MED17: variants seen among roughly 807,000 people sequenced by gnomAD.
The protein encoded by MED17 is mediator of RNA polymerase II transcription subunit 17.
In MED17, 49 loss-of-function variants were observed where a neutral mutation model predicts 80.8. The observed-to-expected ratio is 0.61, with a 90% confidence interval of 0.48 to 0.77. MED17 has a LOEUF of 0.77. MED17 is among the 30% of genes least tolerant of loss of function. The probability of loss-of-function intolerance (pLI) is 0.00; values close to 1 mark genes in which losing one functional copy is unlikely to be tolerated. For missense variants in MED17, 718 were observed against 787.0 expected, an observed-to-expected ratio of 0.91 and a Z score of 1.05; for synonymous variants, 281 against 280.4, an observed-to-expected ratio of 1.00 and a Z score of -0.02.
At chr11:93,792,208 G>C (rs1285004182) in intron 3 of MED17, among the ~76,000 whole-genome samples, 1 of 152,122 alleles carries the variant, frequency 6.6e-6, no homozygotes, top group African/African-American at 2.4e-5. Flanking sequence ...AGATTCATTT[G>C]CCAGAGTAAG....
intron 3 of MED17, among the ~76,000 whole-genome samples, chr11:93,791,394 C>G (rs1943834884): frequency 6.6e-6 from 1 of 152,090 alleles, no homozygotes; most frequent in African/African-American, 2.4e-5. Context: ...CAATCAAGGC[C>G]TTACCTGTAA....
Position 93,795,393 on chromosome 11 carries a change from C to CTGTCTAAA in MED17, c.1012+334_1012+335insGTCTAAAT, listed in dbSNP as rs1246347680. 5 of 337,516 alleles carry CTGTCTAAA rather than the reference C, an allele frequency of 1.5e-5. No homozygotes were observed. The East Asian group carries it at 3.7e-4, about 25-fold the overall frequency. The allele number at this position is 337,516 out of a possible 1,614,324, so 20.9% of individuals were successfully genotyped here. ...AGGGAGATTTTTTCAGGGATCCTGC[C>CTGTCTAAA]TTATTATCTAAATGAGAGGCCAATT... On this transcript the variant is annotated intron_variant, in intron 6 of 11. Coordinates refer to ENST00000251871, the MANE Select transcript of MED17 (RefSeq NM_004268.5).
chr11:93,805,404 GAAACCCTGTCCCTACTAA>G (rs1317836070), intron 9 of MED17, among the ~76,000 whole-genome samples: 1 of 152,130 alleles, frequency 6.6e-6, no homozygotes, highest in Non-Finnish European at 1.5e-5. Flanking sequence ...CCAACATGAT[GAAACCCTGTCCCTACTAA>G]AAACAAAAAT....
chr11:93,786,841 C>T (rs1033444025), intron 1 of MED17, among the ~76,000 whole-genome samples: 1 of 152,104 alleles, frequency 6.6e-6, no homozygotes, highest in African/African-American at 2.4e-5. Context: ...GAAAAAGTTG[C>T]ACATATACAG....
At chr11:93,795,239 CTAAA>C (rs1943887452) in intron 6 of MED17, 179 bp downstream of exon 6, 11 of 732,736 alleles carry the variant, frequency 1.5e-5, no homozygotes, top group Non-Finnish European at 2.3e-5. Context: ...CTGTTCTGTC[CTAAA>C]TAGTGTGACC....
Position 93,793,739 on chromosome 11 carries a change from C to T in MED17, c.649C>T (p.Pro217Ser). 1 of 1,573,138 alleles carries T rather than the reference C, an allele frequency of 6.4e-7. No individual in the cohort carries two copies. The highest frequency in any genetic ancestry group is 8.7e-7 in the Non-Finnish European group (1 of 1,144,558). ...TAATACAACATTAGGATCTCTCTTTCCTCATCATGGTACATTTGAAGTAAT... is the reference window on the plus strand; with the variant it reads ...TAATACAACATTAGGATCTCTCTTTTCTCATCATGGTACATTTGAAGTAAT... ...LSYRSAGSLFPHHGTFEVIKN... is the reference protein window; with the variant it reads ...LSYRSAGSLFSHHGTFEVIKN... The change falls in exon 4 of 12, where the codon CCT becomes TCT. Residue 217 changes from proline to serine, a missense_variant. Coordinates refer to ENST00000251871, the MANE Select transcript of MED17 (RefSeq NM_004268.5).
intron 2 of MED17, chr11:93,790,309 G>A (rs1282617625): frequency 9.2e-6 from 5 of 545,410 alleles, no homozygotes; most frequent in East Asian, 4.3e-5. Context: ...ACATTAAGAG[G>A]GGACCCTAAC....
chr11:93,805,487 G>A (rs918005180), intron 9 of MED17, among the ~76,000 whole-genome samples: 6 of 152,120 alleles, frequency 3.9e-5, no homozygotes, highest in Admixed American at 3.9e-4. Flanking sequence ...AGACTGAAGT[G>A]GGAGAATCAT....
At chr11:93,787,313 T>C (rs977682931) in intron 1 of MED17, among the ~76,000 whole-genome samples, 1 of 151,856 alleles carries the variant, frequency 6.6e-6, no homozygotes, top group African/African-American at 2.4e-5. Context: ...CTGGGGAGGC[T>C]GAGGCAGGAG....
chr11:93,793,981 G>T lies in MED17; in HGVS notation c.805G>T (p.Gly269Cys), dbSNP rs747654767. Residue 269 changes from glycine (G) to cysteine (C), a missense_variant, in exon 5 of 12, where the codon GGT (glycine) becomes TGT (cysteine). Transcript: ENST00000251871. Reference sequence around the variant, plus strand: ...AATACAAAAACAGGCTCCAGATATAGGTGACCTCGGCACAGTTAACCTCTT... The same window carrying T: ...AATACAAAAACAGGCTCCAGATATATGTGACCTCGGCACAGTTAACCTCTT... ...VSIQKQAPDI[G>C]DLGTVNLFKR... The T allele has an allele frequency of 4.3e-6, 7 of 1,613,974 alleles. No individual in the cohort carries two copies. The highest frequency in any genetic ancestry group is 5.9e-6 in the Non-Finnish European group (7 of 1,179,978).
chr11:93,807,329 C>A, intron 9 of MED17, 189 bp from the exon 10 acceptor site: 1 of 541,556 alleles, frequency 1.8e-6, no homozygotes, highest in East Asian at 3.4e-5. Context: ...AGGAGACTCT[C>A]TTGAACTCAG....
At position 93,794,919 on chromosome 11, in the gene MED17, T is replaced by C. The variant is rs1352488616; in HGVS notation, c.871T>C (p.Trp291Arg). 6.2e-7 allele frequency: 1 copy of C among 1,614,218 alleles called. No homozygotes were observed. Among genetic ancestry groups the C allele is most frequent in the Admixed American group, 1.7e-5 (1 of 60,028 alleles). The change falls in exon 6 of 12, where the codon TGG (tryptophan) becomes CGG (arginine). Residue 291 changes from tryptophan to arginine, a missense_variant. Physicochemically the swap from Trp to Arg is moderately radical, Grantham distance 101. Transcript: ENST00000251871. The stretch of plus-strand genomic sequence containing the variant: ...TTCTTGTCTTTCAGGTTCCCCACAT[T>C]GGCAGACAAAATTAGAAGCGGCACA... The part of the protein sequence containing the change: ...LPKSKPGSPH[W>R]QTKLEAAQNV...
chr11:93,812,430 C>A lies in MED17; in HGVS notation c.*366C>A. ...ATCTCCAAATACCTTTTTTTCCCCC[C>A]AAATACTTTCTAAACTTTTTTTTTT... is the stretch of plus-strand genomic sequence containing the variant. On this transcript the variant is annotated 3_prime_UTR_variant, in exon 12 of 12. Coordinates refer to ENST00000251871, the MANE Select transcript of MED17 (RefSeq NM_004268.5). 2 of 462,056 alleles carry A rather than the reference C, an allele frequency of 4.3e-6. No individual in the cohort carries two copies. Among genetic ancestry groups the A allele is most frequent in the Non-Finnish European group, 7.5e-6 (2 of 266,626 alleles). 28.6% of individuals were successfully genotyped at this position (462,056 alleles called of 1,614,324 possible). A position where few individuals can be genotyped will look rare whatever the true frequency, so the allele number is the denominator to read the frequency against.
At position 93,797,670 on chromosome 11, in the gene MED17, C is replaced by A; in HGVS notation, c.1279C>A (p.Leu427Ile). ...TAATTCATTACAGTCCAGTGAAGGG[C>A]TTCTGGAAAAAATAATTAAACAAGC... is the stretch of plus-strand genomic sequence containing the variant. ...EINSLQSSEG[L>I]LEKIIKQAKH... The change falls in exon 8 of 12, where the codon CTT becomes ATT. Residue 427 changes from leucine to isoleucine, a missense_variant. Physicochemically the swap from Leu to Ile is conservative, Grantham distance 5. Coordinates refer to ENST00000251871, the MANE Select transcript of MED17 (RefSeq NM_004268.5). The A allele has an allele frequency of 1.2e-6, 2 of 1,613,634 alleles. No homozygotes were observed. Among genetic ancestry groups the A allele is most frequent in the Non-Finnish European group, 8.5e-7 (1 of 1,179,646 alleles).
intron 1 of MED17, 118 bp from the exon 2 acceptor site, chr11:93,787,883 C>T: frequency 1.1e-6 from 1 of 901,938 alleles, no homozygotes; most frequent in Non-Finnish European, 1.8e-6. Context: ...AATAAGAGAA[C>T]AATTTGAAAT....
At chr11:93,793,125 T>TTTTTTTTTTTTTTTG in intron 3 of MED17, 1 of 128,788 alleles carries the variant, frequency 7.8e-6, no homozygotes, top group Non-Finnish European at 1.7e-5. Context: ...TTTTTTTTTT[T>TTTTTTTTTTTTTTTG]TTTTTTTTTT....
At position 93,796,482 on chromosome 11, in the gene MED17, A is replaced by G. The variant is rs761506308; in HGVS notation, c.1085A>G (p.Gln362Arg). 3.5e-5 allele frequency: 57 copies of G among 1,614,100 alleles called. No homozygotes were observed. The South Asian group carries it at 5.8e-4, about 16-fold the overall frequency. Residue 362 changes from glutamine (Q) to arginine (R), a missense_variant, in exon 7 of 12, where the codon CAA becomes CGA. Gln to Arg is a conservative substitution (Grantham distance 43). Transcript: ENST00000251871. The stretch of plus-strand genomic sequence containing the variant: ...TCCCAAAAATTTGCTACTGAGAAGC[A>G]ATGTCCGGAGGACCACCTTTATGTC... ...KKSQKFATEK[Q>R]CPEDHLYVLE...
chr11:93,812,322 T>TTAC lies in MED17; in HGVS notation c.*261_*263dup. ...TATGTTTTTCATGCAGTTTAAAATATTACTAACTTAAGGGTTTCTATGTGC... is the reference window on the plus strand; with the variant it reads ...TATGTTTTTCATGCAGTTTAAAATATTACTACTAACTTAAGGGTTTCTATGTGC... On this transcript the variant is annotated 3_prime_UTR_variant, in exon 12 of 12. Coordinates refer to ENST00000251871, the MANE Select transcript of MED17 (RefSeq NM_004268.5). The TTAC allele has an allele frequency of 1.8e-6, 1 of 555,200 alleles. No individual in the cohort carries two copies. The highest frequency in any genetic ancestry group is 3.2e-6 in the Non-Finnish European group (1 of 316,760). The allele number at this position is 555,200 out of a possible 1,614,324, so 34.4% of individuals were successfully genotyped here. A position where few individuals can be genotyped will look rare whatever the true frequency, so the allele number is the denominator to read the frequency against.
intron 9 of MED17, chr11:93,806,748 G>A (rs1944029403): frequency 6.6e-6 from 1 of 152,172 alleles, no homozygotes; most frequent in South Asian, 2.1e-4. Flanking sequence ...TCTCAAATTG[G>A]TAAAATGCAT....
Sources: allele counts gnomAD v4.1 joint callset (sites outside exome capture counted in the v4.1 genomes callset), GRCh38; gene constraint gnomAD v4.1.1; transcripts MANE v1.5; gene names NCBI Gene and HGNC (gene_info 2026-07-23, HGNC 2026-07-21).